Variants in SLC4A4 observed in about 807,000 individuals in gnomAD.
SLC4A4 encodes the protein solute carrier family 4 member 4.
SLC4A4 carries 27 observed loss-of-function variants against 111.5 expected under a neutral mutation model. The ratio of observed to expected loss-of-function variants is 0.24; its 90% confidence interval spans 0.18 to 0.33. SLC4A4 has a LOEUF of 0.33. Among genes scored for constraint, SLC4A4 ranks in the 10% least tolerant of loss-of-function variants. The probability of loss-of-function intolerance (pLI) is 1.00; values close to 1 mark genes in which losing one functional copy is unlikely to be tolerated. For synonymous variants in SLC4A4, 443 were observed against 463.4 expected (o/e 0.96, Z 0.57); for missense variants, 909 against 1,315.5 (o/e 0.69, Z 4.78).
In SLC4A4 at chr4:71,421,588, A is replaced by G. The variant is rs543960070; in HGVS notation, c.808-19028A>G. On this transcript the variant is annotated intron_variant, in intron 7 of 25. Coordinates refer to ENST00000264485, the MANE Select transcript of SLC4A4 (RefSeq NM_001098484.3). ...CAAAATTGACCACATACTTGGAAGT[A>G]AAGCTCTCCTCAGCAAATGTTAAAG... is the stretch of plus-strand genomic sequence containing the variant. Among the ~76,000 whole-genome samples the G allele has an allele frequency of 2.1e-4, 32 of 152,360 alleles. No homozygotes were observed. In the South Asian group the frequency reaches 3.7e-3, roughly 18 times the overall value.
intron 7 of SLC4A4, among the ~76,000 whole-genome samples, chr4:71,420,813 C>T (rs1433856160): frequency 6.8e-6 from 1 of 147,100 alleles, no homozygotes; most frequent in Non-Finnish European, 1.5e-5. Context: ...CCAGGCCTGC[C>T]CTAAAAGAGC....
chr4:71,074,589 GA>G (rs1175638829), intron 1 of SLC4A4, among the ~76,000 whole-genome samples: 1 of 151,766 alleles, frequency 6.6e-6, no homozygotes, highest in Non-Finnish European at 1.5e-5. Context: ...AGAAAGGAAG[GA>G]AAGGAGGGAG....
At chr4:71,153,555 A>G (rs752524237) in intron 2 of SLC4A4, among the ~76,000 whole-genome samples, 7 of 152,190 alleles carry the variant, frequency 4.6e-5, no homozygotes, top group Non-Finnish European at 8.8e-5. Flanking sequence ...CTTCATCAGT[A>G]AAATGAAGGG....
rs1324154458 is a variant in SLC4A4, at chr4:71,471,870, G to GGA, written c.1632-829_1632-828insGA. ...GTGGGACAAACACAGAAAGATGTTG[G>GGA]TCGCAAGATGCTTCACACCCAGCTT... On this transcript the variant is annotated intron_variant, in intron 13 of 25. Coordinates refer to ENST00000264485, the MANE Select transcript of SLC4A4 (RefSeq NM_001098484.3). Among the ~76,000 whole-genome samples the GGA allele has an allele frequency of 3.9e-5, 6 of 152,014 alleles. No homozygotes were observed. In the East Asian group the frequency reaches 1.2e-3, roughly 30 times the overall value.
intron 7 of SLC4A4, among the ~76,000 whole-genome samples, chr4:71,432,588 G>A (rs754011072): frequency 1.1e-4 from 16 of 152,076 alleles, no homozygotes; most frequent in South Asian, 4.1e-4. Flanking sequence ...CTGCTTAGAA[G>A]TGATTTTGTT....
intron 2 of SLC4A4, among the ~76,000 whole-genome samples, chr4:71,113,918 T>C (rs779442363): frequency 3.9e-5 from 6 of 152,250 alleles, no homozygotes; most frequent in African/African-American, 9.6e-5. Context: ...TTAGTAGTTA[T>C]ACCTTATTAG....
At chr4:71,274,070 C>T (rs747805068) in intron 3 of SLC4A4, among the ~76,000 whole-genome samples, 1 of 152,116 alleles carries the variant, frequency 6.6e-6, no homozygotes, top group Non-Finnish European at 1.5e-5. Context: ...CTACTAATAG[C>T]CTACTGTTGA....
At chr4:71,380,896 G>A (rs1718075641) in intron 6 of SLC4A4, among the ~76,000 whole-genome samples, 1 of 152,142 alleles carries the variant, frequency 6.6e-6, no homozygotes. Flanking sequence ...TGATGAGTCA[G>A]TATTTTACTG....
chr4:71,145,159 G>C (rs530012884), intron 2 of SLC4A4, among the ~76,000 whole-genome samples: 20 of 152,156 alleles, frequency 1.3e-4, no homozygotes, highest in South Asian at 2.1e-4. Flanking sequence ...TAGCATGAAG[G>C]GGTGTTGAAT....
At chr4:71,073,355 A>C (rs1251366940) in intron 1 of SLC4A4, among the ~76,000 whole-genome samples, 1 of 152,214 alleles carries the variant, frequency 6.6e-6, no homozygotes, top group Non-Finnish European at 1.5e-5. Flanking sequence ...TAACACATTT[A>C]AATTTTTGTA....
At chr4:71,542,466 TAAA>T (rs915701000) in intron 18 of SLC4A4, among the ~76,000 whole-genome samples, 17 of 152,242 alleles carry the variant, frequency 1.1e-4, no homozygotes, top group African/African-American at 4.1e-4. Flanking sequence ...GCTCTTGTGA[TAAA>T]AAATTCCAAA....
In SLC4A4 at chr4:71,559,951, A is replaced by G. The variant is rs566183410; in HGVS notation, c.2938-142A>G. 5.4e-5 allele frequency: 37 copies of G among 686,764 alleles called. No individual in the cohort carries two copies. The South Asian group carries it at 5.9e-4, about 11-fold the overall frequency. The allele number at this position is 686,764 out of a possible 1,614,324, so 42.5% of individuals were successfully genotyped here. On this transcript the variant is annotated intron_variant, in intron 22 of 25. Coordinates refer to ENST00000264485, the MANE Select transcript of SLC4A4 (RefSeq NM_001098484.3). Reference sequence around the variant, plus strand: ...ATGAGAGTTCACTCGGTATAAGTCCATACCGTCAAGATCAGGTCTGTCATA... The same window carrying G: ...ATGAGAGTTCACTCGGTATAAGTCCGTACCGTCAAGATCAGGTCTGTCATA...
At chr4:71,249,902 T>C in intron 2 of SLC4A4, among the ~76,000 whole-genome samples, 1 of 150,936 alleles carries the variant, frequency 6.6e-6, no homozygotes, top group Non-Finnish European at 1.5e-5. Flanking sequence ...AAAAAATCAC[T>C]TGTATATTAT....
In SLC4A4 at chr4:71,168,177, C is replaced by CTTTT. The variant is rs777092928; in HGVS notation, c.-1-68380_-1-68377dup. Among the ~76,000 whole-genome samples the CTTTT allele has an allele frequency of 2.6e-3, 271 of 106,222 alleles. 8 individuals carry two copies. The highest frequency in any genetic ancestry group is 0.01 in the African/African-American group (239 of 23,052). 69.7% of individuals were successfully genotyped at this position (106,222 alleles called of 152,430 possible). A position where few individuals can be genotyped will look rare whatever the true frequency, so the allele number is the denominator to read the frequency against. On this transcript the variant is annotated intron_variant, in intron 2 of 26. Coordinates refer to the SLC4A4 transcript ENST00000649996. ...GTGTTACAAACAATTCAATTATACT[C>CTTTT]TTTTTTTTTTTTTTTTTTTTTTGAG...
intron 6 of SLC4A4, among the ~76,000 whole-genome samples, chr4:71,387,097 C>T (rs1718807080): frequency 6.6e-6 from 1 of 152,190 alleles, no homozygotes; most frequent in South Asian, 2.1e-4. Context: ...CATCCCTTTC[C>T]TTGAATCCAT....
chr4:71,171,644 T>C (rs1744943303), intron 2 of SLC4A4, among the ~76,000 whole-genome samples: 1 of 152,230 alleles, frequency 6.6e-6, no homozygotes, highest in African/African-American at 2.4e-5. Flanking sequence ...TTGCTTTGAC[T>C]GGTGGTCCAT....
intron 2 of SLC4A4, among the ~76,000 whole-genome samples, chr4:71,097,995 T>C (rs1477586533): frequency 2.6e-5 from 4 of 152,204 alleles, no homozygotes; most frequent in African/African-American, 7.2e-5. Context: ...TGATAGTTTA[T>C]AGTTTCTTTT....
At chr4:71,134,852 C>T (rs534589560) in intron 2 of SLC4A4, among the ~76,000 whole-genome samples, 101 of 152,298 alleles carry the variant, frequency 6.6e-4, no homozygotes, top group Non-Finnish European at 9.3e-4. Context: ...GAGCTCAGTG[C>T]TGAATTTTAG....
chr4:71,371,752 T>G (rs1303270105), intron 6 of SLC4A4, among the ~76,000 whole-genome samples: 1 of 152,200 alleles, frequency 6.6e-6, no homozygotes, highest in African/African-American at 2.4e-5. Flanking sequence ...ATTTTTTCAT[T>G]TCAACTATCT....
Sources: gnomAD v4.1 joint callset for allele counts (sites outside exome capture counted in the v4.1 genomes callset) on GRCh38, gnomAD v4.1.1 for gene constraint, MANE v1.5 for transcripts, NCBI Gene and HGNC (gene_info 2026-07-23, HGNC 2026-07-21) for gene names.